The following CSMD1 variants were observed in gnomAD, a reference collection of about 807,000 sequenced individuals.
CSMD1 encodes the protein CUB and sushi domain-containing protein 1.
Under a neutral mutation model 417.5 loss-of-function variants are expected in CSMD1, and 213 were observed. That is an observed-to-expected ratio of 0.51 (90% CI 0.46 to 0.57). The LOEUF (loss-of-function observed/expected upper bound fraction) is 0.57. Ranked by LOEUF, CSMD1 falls within the 20% of genes least tolerant of loss-of-function variation. The probability of loss-of-function intolerance (pLI) is 0.00; values close to 1 mark genes in which losing one functional copy is unlikely to be tolerated. For missense variants in CSMD1, 6,923 were observed against 4,529.7 expected (o/e 1.53, Z -15.17); for synonymous variants, 2,862 against 1,736.8 (o/e 1.65, Z -16.11).
chr8:4,586,560 C>G (rs1295314327), intron 2 of CSMD1, among the ~76,000 whole-genome samples: 1 of 151,224 alleles, frequency 6.6e-6, no homozygotes, highest in Non-Finnish European at 1.5e-5. Flanking sequence ...TGGACGTAAC[C>G]TTTTTAGCAT....
chr8:3,824,664 T>A (rs1801948145), intron 5 of CSMD1, among the ~76,000 whole-genome samples: 1 of 152,220 alleles, frequency 6.6e-6, no homozygotes, highest in Non-Finnish European at 1.5e-5. Flanking sequence ...TGTTATATAT[T>A]GAGTTAATGA....
intron 11 of CSMD1, among the ~76,000 whole-genome samples, chr8:3,488,053 A>C (rs1818159114): frequency 6.6e-6 from 1 of 151,502 alleles, no homozygotes; most frequent in Non-Finnish European, 1.5e-5. Context: ...TTTTTTTCTA[A>C]ACTCAAACCA....
chr8:3,356,472 C>T (rs1194610957), intron 21 of CSMD1, among the ~76,000 whole-genome samples: 1 of 152,068 alleles, frequency 6.6e-6, no homozygotes, highest in South Asian at 2.1e-4. Flanking sequence ...GTCAGGAGTC[C>T]GAGACCAGCC....
rs772822242 is a variant in CSMD1 at position 4,629,318 on chromosome 8, A to G, written c.302+8024T>C. Among the ~76,000 whole-genome samples the G allele has an allele frequency of 2.4e-4, 36 of 152,262 alleles. No individual in the cohort carries two copies. The Middle Eastern group carries it at 0.01, about 43-fold the overall frequency. On this transcript the variant is annotated intron_variant, in intron 2 of 69. Transcript: ENST00000635120. ...AAACATGTTTTCAATATCCTCAAAA[A>G]CGCTGTTACTAAAATGTGAAGGTAT...
intron 3 of CSMD1, among the ~76,000 whole-genome samples, chr8:4,066,966 A>G (rs1488054528): frequency 6.6e-6 from 1 of 152,252 alleles, no homozygotes. Context: ...GGTGGAACCT[A>G]ATGAGTATAT....
At chr8:3,897,873 G>T (rs138060436) in intron 5 of CSMD1, among the ~76,000 whole-genome samples, 156 of 152,226 alleles carry the variant, frequency 1.0e-3, no homozygotes, top group African/African-American at 3.6e-3. Context: ...ATAGCCTATG[G>T]AATCTTGGCC....
intron 26 of CSMD1, among the ~76,000 whole-genome samples, chr8:3,234,730 C>T (rs1003766139): frequency 1.3e-5 from 2 of 152,082 alleles, no homozygotes; most frequent in African/African-American, 4.8e-5. Context: ...AAGGTCTCAC[C>T]CATAAGCCAC....
chr8:4,193,220 G>C lies in CSMD1; in HGVS notation c.416-161121C>G, dbSNP rs567652371. Reference sequence around the variant, plus strand: ...AAGCAGGGCTGAAAGCAAAGTTGTAGCTGCCACAAACGTAAAACCTTAACG... The same window carrying C: ...AAGCAGGGCTGAAAGCAAAGTTGTACCTGCCACAAACGTAAAACCTTAACG... On this transcript the variant is annotated intron_variant, in intron 3 of 69. Transcript: ENST00000635120. Among the ~76,000 whole-genome samples the C allele has an allele frequency of 1.6e-3, 241 of 152,230 alleles. 5 individuals carry two copies. The East Asian group carries it at 0.021, about 13-fold the overall frequency.
At chr8:4,669,335 C>G (rs994139475) in intron 1 of CSMD1, among the ~76,000 whole-genome samples, 2 of 152,158 alleles carry the variant, frequency 1.3e-5, no homozygotes, top group Non-Finnish European at 2.9e-5. Context: ...AAGGTACACT[C>G]CAATTGGTAA....
intron 2 of CSMD1, among the ~76,000 whole-genome samples, chr8:4,530,974 G>A (rs75324155): frequency 2.0e-5 from 3 of 151,934 alleles, no homozygotes; most frequent in Non-Finnish European, 2.9e-5. Context: ...ATACCCTCCG[G>A]CACCAAGATG....
At chr8:3,819,799 C>T (rs1235949715) in intron 5 of CSMD1, among the ~76,000 whole-genome samples, 2 of 152,042 alleles carry the variant, frequency 1.3e-5, no homozygotes, top group Admixed American at 1.3e-4. Flanking sequence ...TTTTGCCTGG[C>T]CTCCCAAAGT....
chr8:4,251,869 G>C (rs1249290617), intron 3 of CSMD1, among the ~76,000 whole-genome samples: 2 of 150,072 alleles, frequency 1.3e-5, no homozygotes, highest in African/African-American at 4.9e-5. Context: ...AGGAGAGAGA[G>C]GGTGGAGGAA....
At chr8:3,364,273 T>C (rs13272021) in intron 20 of CSMD1, among the ~76,000 whole-genome samples, 21,629 of 152,240 alleles carry the variant, frequency 0.14, 1,579 homozygotes, top group Middle Eastern at 0.22. Flanking sequence ...ATTTGTTTAC[T>C]TTAAAGTCGA....
At chr8:4,002,340 T>A (rs1459536489) in intron 4 of CSMD1, among the ~76,000 whole-genome samples, 2 of 152,170 alleles carry the variant, frequency 1.3e-5, no homozygotes, top group Non-Finnish European at 2.9e-5. Flanking sequence ...TCTCCGCTAT[T>A]TTTGTAAGGG....
intron 1 of CSMD1, among the ~76,000 whole-genome samples, chr8:4,782,463 T>C (rs930832686): frequency 6.6e-6 from 1 of 152,220 alleles, no homozygotes; most frequent in African/African-American, 2.4e-5. Context: ...TTGAACACTT[T>C]AGATTTAAAG....
At chr8:2,962,952 G>C (rs1271035368) in intron 60 of CSMD1, among the ~76,000 whole-genome samples, 2 of 152,158 alleles carry the variant, frequency 1.3e-5, no homozygotes, top group Non-Finnish European at 2.9e-5. Context: ...GGAGGCTGAG[G>C]TGGGAGGATG....
chr8:3,495,970 C>A (rs993683793), intron 10 of CSMD1, among the ~76,000 whole-genome samples: 1 of 152,086 alleles, frequency 6.6e-6, no homozygotes, highest in African/African-American at 2.4e-5. Flanking sequence ...TAGGTAAACA[C>A]GTGCCATGGT....
chr8:3,919,264 C>A (rs1809053267), intron 5 of CSMD1, among the ~76,000 whole-genome samples: 1 of 146,152 alleles, frequency 6.8e-6, no homozygotes, highest in Non-Finnish European at 1.5e-5. Flanking sequence ...ATGTTTTCTT[C>A]TAGGAGTTTT....
intron 3 of CSMD1, among the ~76,000 whole-genome samples, chr8:4,213,449 G>T (rs578182963): frequency 7.5e-4 from 114 of 152,288 alleles, no homozygotes; most frequent in African/African-American, 2.6e-3. Context: ...GTGAGAACAG[G>T]AACAGTTGCC....
Sources: gnomAD v4.1 joint callset for allele counts (sites outside exome capture counted in the v4.1 genomes callset) on GRCh38, gnomAD v4.1.1 for gene constraint, MANE v1.5 for transcripts, NCBI Gene and HGNC (gene_info 2026-07-23, HGNC 2026-07-21) for gene names.